Variants in ZNF383 observed in about 807,000 individuals in gnomAD.
ZNF383 encodes zinc finger protein 383.
ZNF383 carries 32 observed loss-of-function variants against 44.2 expected under a neutral mutation model. The ratio of observed to expected loss-of-function variants is 0.72; its 90% confidence interval spans 0.55 to 0.97. The LOEUF (loss-of-function observed/expected upper bound fraction) is 0.97. ZNF383 is among the 50% of genes least tolerant of loss of function. The pLI is 0.00. For missense variants in ZNF383, 487 were observed against 562.5 expected (o/e 0.87, Z 1.36); for synonymous variants, 155 against 186.2 (o/e 0.83, Z 1.36).
At chr19:37,236,837 G>T (rs1377479744) in intron 5 of ZNF383, among the ~76,000 whole-genome samples, 1 of 151,918 alleles carries the variant, frequency 6.6e-6, no homozygotes, top group Non-Finnish European at 1.5e-5. Context: ...CAAAGTGCTG[G>T]GATTACAGGC....
chr19:37,234,547 G>A lies in ZNF383; in HGVS notation c.10-1002G>A, dbSNP rs149470610. 3.0e-3 allele frequency among the ~76,000 whole-genome samples: 459 copies of A among 152,034 alleles called. 3 individuals carry two copies. The highest frequency in any genetic ancestry group is 0.01 in the African/African-American group (427 of 41,494). On this transcript the variant is annotated intron_variant, in intron 3 of 5. Coordinates refer to ENST00000684119, the MANE Select transcript of ZNF383 (RefSeq NM_001387601.1). The stretch of plus-strand genomic sequence containing the variant: ...GAGGACTACAGGCGCCCGCCACCAC[G>A]CCTGGCTAATTTTTTTGTATTTTTA...
Position 37,247,117 on chromosome 19 carries a change from TTTATAACC to T in ZNF383, c.*3455_*3462del, listed in dbSNP as rs1318386875. 1 of 152,100 alleles carries T rather than the reference TTTATAACC, an allele frequency of 6.6e-6. No homozygotes were observed. Among genetic ancestry groups the T allele is most frequent in the Non-Finnish European group, 1.5e-5 (1 of 68,022 alleles). The allele number at this position is 152,100 out of a possible 1,614,324, so 9.4% of individuals were successfully genotyped here. A position where few individuals can be genotyped will look rare whatever the true frequency, so the allele number is the denominator to read the frequency against. On this transcript the variant is annotated 3_prime_UTR_variant, in exon 6 of 6. Transcript: ENST00000684119. ...TGGCAGTAAAAGTTGTATTGGAAGT[TTTATAACC>T]TAATATTTGTGCATATATTGTAATA...
At chr19:37,229,223 C>G (rs1973332852) in intron 2 of ZNF383, among the ~76,000 whole-genome samples, 1 of 144,094 alleles carries the variant, frequency 6.9e-6, no homozygotes, top group Admixed American at 7.2e-5. Context: ...GGCGTGATCT[C>G]GGCTCATTGC....
intron 3 of ZNF383, among the ~76,000 whole-genome samples, chr19:37,232,629 A>C (rs1973553585): frequency 6.6e-6 from 1 of 152,192 alleles, no homozygotes; most frequent in South Asian, 2.1e-4. Context: ...TAATTCTGTC[A>C]TTCTTCCTTC....
In ZNF383 at chr19:37,244,165, C is replaced by CTG. The variant is rs1974270291; in HGVS notation, c.*501_*502insTG. Reference sequence around the variant, plus strand: ...GTGGCGCAATCTCGGCTCGCTGCAACCTCCACCTCCCGGCTTCAAGCAATT... The same window carrying CTG: ...GTGGCGCAATCTCGGCTCGCTGCAACTGCTCCACCTCCCGGCTTCAAGCAATT... On this transcript the variant is annotated 3_prime_UTR_variant, in exon 6 of 6. Coordinates refer to ENST00000684119, the MANE Select transcript of ZNF383 (RefSeq NM_001387601.1). The CTG allele has an allele frequency of 6.6e-6, 1 of 152,098 alleles. No homozygotes were observed. Among genetic ancestry groups the CTG allele is most frequent in the African/African-American group, 2.4e-5 (1 of 41,374 alleles). 9.4% of individuals were successfully genotyped at this position (152,098 alleles called of 1,614,324 possible). A position where few individuals can be genotyped will look rare whatever the true frequency, so the allele number is the denominator to read the frequency against.
At chr19:37,223,126 C>T (rs982815374) in intron 1 of ZNF383, among the ~76,000 whole-genome samples, 1 of 152,166 alleles carries the variant, frequency 6.6e-6, no homozygotes, top group African/African-American at 2.4e-5. Context: ...GTTTTTAGCA[C>T]TCTTCTCAAT....
chr19:37,230,007 T>C (rs1405086069), intron 2 of ZNF383, among the ~76,000 whole-genome samples: 1 of 151,830 alleles, frequency 6.6e-6, no homozygotes, highest in Admixed American at 6.6e-5. Flanking sequence ...GGGCACCATT[T>C]GTGTGAGTCT....
At chr19:37,219,490 G>A (rs1415194830) in intron 1 of ZNF383, 1 of 152,376 alleles carries the variant, frequency 6.6e-6, no homozygotes, top group African/African-American at 2.4e-5. Flanking sequence ...CCCCACCTCA[G>A]GTGATCCGCC....
At chr19:37,234,431 C>T (rs1007727354) in intron 3 of ZNF383, among the ~76,000 whole-genome samples, 4 of 152,074 alleles carry the variant, frequency 2.6e-5, no homozygotes, top group Non-Finnish European at 5.9e-5. Flanking sequence ...CTCTGTTGCC[C>T]AGGCTGGAGT....
intron 1 of ZNF383, among the ~76,000 whole-genome samples, chr19:37,221,698 C>T (rs1291072550): frequency 1.3e-5 from 2 of 151,420 alleles, no homozygotes; most frequent in African/African-American, 2.4e-5. Context: ...CCTGTAATCC[C>T]AGCACTTTGG....
At chr19:37,229,696 ATGTATATATATATGTGTG>A (rs1311337602) in intron 2 of ZNF383, among the ~76,000 whole-genome samples, 3 of 114,846 alleles carry the variant, frequency 2.6e-5, no homozygotes, top group South Asian at 5.5e-4. Flanking sequence ...GTGTATATAT[ATGTATATATATATGTGTG>A]TGTATATATA....
intron 1 of ZNF383, among the ~76,000 whole-genome samples, chr19:37,223,856 A>AC (rs1243240448): frequency 2.0e-5 from 3 of 151,876 alleles, no homozygotes; most frequent in African/African-American, 4.8e-5. Flanking sequence ...AGATGGTGAA[A>AC]CCCCATCTCT....
At chr19:37,241,453 C>G (rs889462705) in intron 5 of ZNF383, among the ~76,000 whole-genome samples, 1 of 152,218 alleles carries the variant, frequency 6.6e-6, no homozygotes, top group Non-Finnish European at 1.5e-5. Context: ...TCCATGCCCT[C>G]TCCCTGTGGA....
rs35896350 is a variant in ZNF383 at position 37,245,478 on chromosome 19, G to GTTTT, written c.*1826_*1829dup. ...CCAGATATTAATTTTTTGTTTGTTT[G>GTTTT]TTTTTTTTTTTTTTTGAGATGGAGT... On this transcript the variant is annotated 3_prime_UTR_variant, in exon 6 of 6. Transcript: ENST00000684119. The GTTTT allele has an allele frequency of 1.4e-5, 2 of 144,110 alleles. No homozygotes were observed. The highest frequency in any genetic ancestry group is 3.0e-5 in the Non-Finnish European group (2 of 65,726). The allele number at this position is 144,110 out of a possible 1,614,324, so 8.9% of individuals were successfully genotyped here.
chr19:37,233,464 C>T (rs1973607121), intron 3 of ZNF383, among the ~76,000 whole-genome samples: 1 of 151,348 alleles, frequency 6.6e-6, no homozygotes. Context: ...GAGTCTTGCT[C>T]TCTTGCCCAG....
intron 2 of ZNF383, among the ~76,000 whole-genome samples, chr19:37,229,628 GTGTGTA>G (rs911862272): frequency 1.4e-5 from 2 of 144,192 alleles, no homozygotes; most frequent in Admixed American, 7.0e-5. Context: ...GTGTGTGTGT[GTGTGTA>G]TATATATATA....
intron 1 of ZNF383, among the ~76,000 whole-genome samples, chr19:37,220,183 A>G (rs1395212333): frequency 8.5e-5 from 13 of 152,102 alleles, no homozygotes; most frequent in African/African-American, 3.1e-4. Context: ...CATATCTTGT[A>G]TTTTCACTAA....
chr19:37,228,668 T>C (rs1973301125), intron 2 of ZNF383, among the ~76,000 whole-genome samples: 1 of 152,066 alleles, frequency 6.6e-6, no homozygotes. Flanking sequence ...GGATATTGTG[T>C]GAGGCCACTG....
chr19:37,235,576 A>G lies in ZNF383; in HGVS notation c.37A>G (p.Ile13Val), dbSNP rs766796718. The G allele has an allele frequency of 3.7e-6, 6 of 1,614,100 alleles. No individual in the cohort carries two copies. Among genetic ancestry groups the G allele is most frequent in the Non-Finnish European group, 5.1e-6 (6 of 1,179,988 alleles). The stretch of plus-strand genomic sequence containing the variant: ...ATCAGTGATGTTCAGTGATGTGTCC[A>G]TAGACTTCTCTCAGGAGGAGTGGGA... ...EGSVMFSDVSIDFSQEEWDCL... is the reference protein window; with the variant it reads ...EGSVMFSDVSVDFSQEEWDCL... The change falls in exon 4 of 6, where the codon ATA (isoleucine) becomes GTA (valine). Residue 13 changes from isoleucine (I) to valine (V), a missense_variant. By Grantham distance (29) the Ile-to-Val change is conservative. Coordinates refer to ENST00000684119, the MANE Select transcript of ZNF383 (RefSeq NM_001387601.1).
Sources: allele counts gnomAD v4.1 joint callset (sites outside exome capture counted in the v4.1 genomes callset), GRCh38; gene constraint gnomAD v4.1.1; transcripts MANE v1.5; gene names NCBI Gene and HGNC (gene_info 2026-07-23, HGNC 2026-07-21).